RASSF1: variants seen among roughly 807,000 people sequenced by gnomAD.
RASSF1 encodes ras association domain-containing protein 1.
Under a neutral mutation model 34.3 loss-of-function variants are expected in RASSF1, and 33 were observed. The observed-to-expected ratio is 0.96, with a 90% CI of 0.73 to 1.29. The LOEUF (loss-of-function observed/expected upper bound fraction) is 1.29. RASSF1 is among the 50% of genes most tolerant of loss of function. RASSF1 has a pLI of 0.00. For missense variants in RASSF1, 445 were observed against 471.8 expected (o/e 0.94, Z 0.53); for synonymous variants, 191 against 195.0 (o/e 0.98, Z 0.17).
chr3:50,338,809 T>C (rs2109349914), intron 1 of RASSF1, among the ~76,000 whole-genome samples: 1 of 152,296 alleles, frequency 6.6e-6, no homozygotes, highest in South Asian at 2.1e-4. Flanking sequence ...CAGCGATCTG[T>C]GTACTACCAA....
Position 50,338,010 on chromosome 3 carries a change from A to G in RASSF1, c.252T>C (p.His84=). 1.9e-6 allele frequency: 3 copies of G among 1,583,066 alleles called. No homozygotes were observed. The highest frequency in any genetic ancestry group is 2.3e-5 in the East Asian group (1 of 43,330). Reference sequence around the variant, plus strand: ...AGCGGTAGTGGCAGGTGAACTTGCAATCTGCAGAGAGGCCTGGCGGTGAGG... The same window carrying G: ...AGCGGTAGTGGCAGGTGAACTTGCAGTCTGCAGAGAGGCCTGGCGGTGAGG... The part of the protein sequence containing the change: ...GVVRKGLQCA[H]CKFTCHYRCR... Residue 84 remains histidine (H), a splice_region_variant and synonymous_variant, in exon 2 of 6, where the codon CAT becomes CAC. Transcript: ENST00000359365.
intron 2 of RASSF1, chr3:50,337,116 G>C: frequency 6.6e-7 from 1 of 1,511,462 alleles, no homozygotes; most frequent in South Asian, 1.3e-5. Flanking sequence ...GGACCGGGGA[G>C]GGCGGAGCTC....
chr3:50,337,284 G>C (rs760512756), intron 2 of RASSF1: 3 of 1,613,090 alleles, frequency 1.9e-6, no homozygotes, highest in Non-Finnish European at 2.5e-6. Context: ...TGCTGCTCCA[G>C]GTCATTTCGA....
chr3:50,330,509 G>A lies in RASSF1; in HGVS notation c.*72C>T. Reference sequence around the variant, plus strand: ...GCACACTCATTCCACAGGCCCCACTGGCCCTGTCACACTCACACGGCACGC... The same window carrying A: ...GCACACTCATTCCACAGGCCCCACTAGCCCTGTCACACTCACACGGCACGC... On this transcript the variant is annotated 3_prime_UTR_variant, in exon 6 of 6. Transcript: ENST00000359365. This position sits in a 1 kb window ranked among gnomAD's most constrained non-coding sequence, Gnocchi z 4.5. The A allele has an allele frequency of 6.4e-7, 1 of 1,570,644 alleles. No homozygotes were observed. The highest frequency in any genetic ancestry group is 8.7e-7 in the Non-Finnish European group (1 of 1,147,838).
At chr3:50,337,366 C>A in intron 2 of RASSF1, 1 of 1,602,350 alleles carries the variant, frequency 6.2e-7, no homozygotes, top group Non-Finnish European at 8.5e-7. Flanking sequence ...TAGCCGCCAA[C>A]CACCGCCCCG....
intron 4 of RASSF1, 53 bp downstream of exon 4, chr3:50,331,506 C>T: frequency 6.4e-7 from 1 of 1,566,830 alleles, no homozygotes; most frequent in Admixed American, 1.8e-5. Context: ...CCTGCATGCT[C>T]AGGTGCATGC....
In RASSF1 at chr3:50,340,543, G is replaced by T; in HGVS notation, c.250+13C>A. Reference sequence around the variant, plus strand: ...CCCTTCCGCTCTCGTAGGCGCGCGGGGCCACTACTCACGCGCGCACTGCAG... The same window carrying T: ...CCCTTCCGCTCTCGTAGGCGCGCGGTGCCACTACTCACGCGCGCACTGCAG... On this transcript the variant is annotated intron_variant, in intron 1 of 5. Coordinates refer to ENST00000359365, the MANE Select transcript of RASSF1 (RefSeq NM_007182.5). 6.7e-7 allele frequency: 1 copy of T among 1,489,462 alleles called. No individual in the cohort carries two copies. The allele number at this position is 1,489,462 out of a possible 1,614,324, so 92.3% of individuals were successfully genotyped here. A position where few individuals can be genotyped will look rare whatever the true frequency, so the allele number is the denominator to read the frequency against.
At position 50,331,326 on chromosome 3, in the gene RASSF1, G is replaced by C. The variant is rs1476657951; in HGVS notation, c.876+8C>G. The C allele has an allele frequency of 6.5e-7, 1 of 1,546,930 alleles. No homozygotes were observed. The highest frequency in any genetic ancestry group is 8.8e-7 in the Non-Finnish European group (1 of 1,132,868). Reference sequence around the variant, plus strand: ...TGACAACCAAGAAACTAAGAACTATGTACTCACGTTCACCTCCCCAGAGTC... The same window carrying C: ...TGACAACCAAGAAACTAAGAACTATCTACTCACGTTCACCTCCCCAGAGTC... On this transcript the variant is annotated splice_region_variant and intron_variant, in intron 5 of 5. Transcript: ENST00000359365.
At chr3:50,333,837 C>T (rs1199644323) in intron 2 of RASSF1, among the ~76,000 whole-genome samples, 2 of 152,152 alleles carry the variant, frequency 1.3e-5, no homozygotes, top group African/African-American at 2.4e-5. Context: ...GGATTCTTGC[C>T]GGAAGGGTGG....
At chr3:50,338,316 G>A in intron 1 of RASSF1, 1 of 871,028 alleles carries the variant, frequency 1.1e-6, no homozygotes, top group Non-Finnish European at 1.5e-6. Flanking sequence ...TCTTGCTTTT[G>A]TCACCCAGGC....
intron 2 of RASSF1, chr3:50,337,359 C>G: frequency 6.2e-7 from 1 of 1,602,924 alleles, no homozygotes. Context: ...GCGTCCGTAG[C>G]CGCCAACCAC....
At position 50,331,809 on chromosome 3, in the gene RASSF1, C is replaced by A. The variant is rs764108224; in HGVS notation, c.510G>T (p.Leu170=). 5 of 1,591,598 alleles carry A rather than the reference C, an allele frequency of 3.1e-6. No individual in the cohort carries two copies. The African/African-American group carries it at 5.4e-5, about 17-fold the overall frequency. ...TGGAGGGCACAGAGACAGGGCGCAC[C>A]AGCTTCAGCTGAACCTTGATGAAGC... ...YTGFIKVQLK[L]VRPVSVPSSK... is the part of the protein sequence containing the mutation. The change falls in exon 4 of 6, where the codon CTG becomes CTT. Residue 170 remains leucine, a synonymous_variant. Transcript: ENST00000359365.
chr3:50,337,376 G>C (rs113877308), intron 2 of RASSF1: 1 of 1,598,380 alleles, frequency 6.3e-7, no homozygotes, highest in South Asian at 1.1e-5. Flanking sequence ...CCACCGCCCC[G>C]GTCGCGTGCG....
chr3:50,340,719 G>A lies in RASSF1; in HGVS notation c.87C>T (p.Ala29=). The change falls in exon 1 of 6, where the codon GCC becomes GCT. Residue 29 remains alanine (A), a synonymous_variant. Coordinates refer to ENST00000359365, the MANE Select transcript of RASSF1 (RefSeq NM_007182.5). ...AGKGRTRLER[A]NALRIARGTA... ...TGCCCCGCGCGATGCGCAGCGCGTTGGCACGCTCCAGCCGGGTGCGGCCCT... is the reference window on the plus strand; with the variant it reads ...TGCCCCGCGCGATGCGCAGCGCGTTAGCACGCTCCAGCCGGGTGCGGCCCT... The A allele has an allele frequency of 6.6e-7, 1 of 1,524,312 alleles. No individual in the cohort carries two copies. The highest frequency in any genetic ancestry group is 8.7e-7 in the Non-Finnish European group (1 of 1,145,922). 94.4% of individuals were successfully genotyped at this position (1,524,312 alleles called of 1,614,324 possible).
chr3:50,331,338 A>G lies in RASSF1; in HGVS notation c.872T>C (p.Val291Ala), dbSNP rs771467890. 7.6e-6 allele frequency: 12 copies of G among 1,579,342 alleles called. No homozygotes were observed. The highest frequency in any genetic ancestry group is 8.6e-6 in the Non-Finnish European group (10 of 1,158,670). Reference protein sequence around the residue: ...FVLKENDSGEVNWDAFSMPEL... With the variant: ...FVLKENDSGEANWDAFSMPEL... ...AACTAAGAACTATGTACTCACGTTCACCTCCCCAGAGTCATTTTCCTTCAG... is the reference window on the plus strand; with the variant it reads ...AACTAAGAACTATGTACTCACGTTCGCCTCCCCAGAGTCATTTTCCTTCAG... Residue 291 changes from valine to alanine, a missense_variant, in exon 5 of 6, where the codon GTG becomes GCG. Transcript: ENST00000359365.
Position 50,330,470 on chromosome 3 carries a change from A to G in RASSF1, c.*111T>C, listed in dbSNP as rs1183999407. On this transcript the variant is annotated 3_prime_UTR_variant, in exon 6 of 6. Coordinates refer to ENST00000359365, the MANE Select transcript of RASSF1 (RefSeq NM_007182.5). This position sits in a 1 kb window ranked among gnomAD's most constrained non-coding sequence, Gnocchi z 4.5. ...TTCTCTGGGCTCATTCCCCCAGCAC[A>G]GGAGGGCCTCCATGCACACTCATTC... The G allele has an allele frequency of 1.4e-5, 20 of 1,436,598 alleles. No homozygotes were observed. The highest frequency in any genetic ancestry group is 1.4e-5 in the African/African-American group (1 of 71,048). 89.0% of individuals were successfully genotyped at this position (1,436,598 alleles called of 1,614,324 possible). A position where few individuals can be genotyped will look rare whatever the true frequency, so the allele number is the denominator to read the frequency against.
At chr3:50,337,661 A>T in intron 2 of RASSF1, 2 of 899,308 alleles carry the variant, frequency 2.2e-6, no homozygotes, top group Non-Finnish European at 3.3e-6. Context: ...AAGGTGCGGG[A>T]AGTGCGCGTG....
intron 1 of RASSF1, among the ~76,000 whole-genome samples, chr3:50,339,515 G>C (rs956077446): frequency 6.6e-6 from 1 of 151,662 alleles, no homozygotes; most frequent in Non-Finnish European, 1.5e-5. Flanking sequence ...ACAGGCACCC[G>C]CCACTACGCC....
intron 2 of RASSF1, among the ~76,000 whole-genome samples, chr3:50,334,831 C>T (rs587670752): frequency 1.3e-5 from 2 of 152,272 alleles, no homozygotes; most frequent in Admixed American, 6.5e-5. Context: ...TTTCTGTTTC[C>T]AAAGCTGCCT....
Sources: gnomAD v4.1 joint callset for allele counts (sites outside exome capture counted in the v4.1 genomes callset) on GRCh38, gnomAD v4.1.1 for gene constraint, Gnocchi (gnomAD v3.1) non-coding constraint, MANE v1.5 for transcripts, NCBI Gene and HGNC (gene_info 2026-07-23, HGNC 2026-07-21) for gene names.